The following GRID2 variants were observed in gnomAD, a reference collection of about 807,000 sequenced individuals.
GRID2 encodes the protein glutamate receptor ionotropic, delta-2.
A neutral mutation model predicts 114.8 loss-of-function variants in GRID2; 33 were observed. The ratio of observed to expected loss-of-function variants is 0.29; its 90% CI spans 0.22 to 0.38. The LOEUF (loss-of-function observed/expected upper bound fraction) is 0.38, where lower values mean the gene tolerates loss of function less well. Among genes scored for constraint, GRID2 ranks in the 10% least tolerant of loss-of-function variants. The pLI is 1.00. For synonymous variants in GRID2, 505 were observed against 449.9 expected (o/e 1.12, Z -1.55); for missense variants, 1,184 against 1,257.7 (o/e 0.94, Z 0.89).
intron 2 of GRID2, among the ~76,000 whole-genome samples, chr4:92,792,563 A>G (rs544345227): frequency 6.6e-6 from 1 of 151,292 alleles, no homozygotes; most frequent in East Asian, 2.0e-4. Context: ...GAATAACATA[A>G]TTTTTGGGAA....
At chr4:93,593,826 C>G (rs1398787763) in intron 13 of GRID2, among the ~76,000 whole-genome samples, 1 of 152,110 alleles carries the variant, frequency 6.6e-6, no homozygotes, top group Non-Finnish European at 1.5e-5. Flanking sequence ...TGCTGATACC[C>G]TTTCTTCCAG....
chr4:92,948,541 G>T (rs1034841616), intron 2 of GRID2, among the ~76,000 whole-genome samples: 2 of 151,502 alleles, frequency 1.3e-5, no homozygotes, highest in Non-Finnish European at 3.0e-5. Flanking sequence ...CCTTAAGAAT[G>T]ACTTATTTAA....
chr4:92,628,266 C>A (rs1306737643), intron 2 of GRID2, among the ~76,000 whole-genome samples: 1 of 152,124 alleles, frequency 6.6e-6, no homozygotes, highest in African/African-American at 2.4e-5. Context: ...CTCCAGAGAG[C>A]ATTCTCCTCT....
At chr4:92,711,757 G>A (rs941979720) in intron 2 of GRID2, among the ~76,000 whole-genome samples, 1 of 152,100 alleles carries the variant, frequency 6.6e-6, no homozygotes. Flanking sequence ...ACAAAAATTA[G>A]CCAGGCCTGG....
chr4:93,110,607 A>G (rs532394756), intron 3 of GRID2, 141 bp from the exon 4 acceptor site: 13 of 661,156 alleles, frequency 2.0e-5, no homozygotes, highest in East Asian at 1.0e-4. Flanking sequence ...CATACTTGAG[A>G]GTTCCGTCAG....
rs182437226 is a variant in GRID2, at chr4:92,723,184, T to C, written c.244+132898T>C. 4.1e-4 allele frequency among the ~76,000 whole-genome samples: 63 copies of C among 152,228 alleles called. No individual in the cohort carries two copies. In the East Asian group the frequency reaches 0.012, roughly 28 times the overall value. Reference sequence around the variant, plus strand: ...GTGGACAACCACATTGTTGTAATTATTTTAGAAACATGGCCTTTGAACAAT... The same window carrying C: ...GTGGACAACCACATTGTTGTAATTACTTTAGAAACATGGCCTTTGAACAAT... On this transcript the variant is annotated intron_variant, in intron 2 of 15. Coordinates refer to ENST00000282020, the MANE Select transcript of GRID2 (RefSeq NM_001510.4).
At chr4:93,325,927 T>C (rs1172619960) in intron 8 of GRID2, among the ~76,000 whole-genome samples, 9 of 152,060 alleles carry the variant, frequency 5.9e-5, no homozygotes, top group Non-Finnish European at 8.8e-5. Flanking sequence ...TTGAAGTGAG[T>C]TCTCAAGAGA....
chr4:93,068,494 T>C (rs571132698), intron 2 of GRID2, among the ~76,000 whole-genome samples: 1 of 152,192 alleles, frequency 6.6e-6, no homozygotes, highest in African/African-American at 2.4e-5. Context: ...TTAAAACAAT[T>C]TCTATGGATA....
intron 3 of GRID2, among the ~76,000 whole-genome samples, chr4:93,107,004 A>C (rs1732298837): frequency 6.6e-6 from 1 of 152,210 alleles, no homozygotes; most frequent in African/African-American, 2.4e-5. Flanking sequence ...GACTTCTATA[A>C]GATAAATATT....
intron 1 of GRID2, among the ~76,000 whole-genome samples, chr4:92,461,267 T>C (rs1721482701): frequency 6.6e-6 from 1 of 151,970 alleles, no homozygotes; most frequent in South Asian, 2.1e-4. Flanking sequence ...TGATAGGTTC[T>C]TGGAAACTGT....
rs538648913 is a variant in GRID2, at chr4:93,711,961, A to C, written c.2361-57249A>C. Reference sequence around the variant, plus strand: ...GTGGGGACAGTTGCTGGAAGGTTCTATTCAGCCATCTTGCTCTGCCTGTGC... The same window carrying C: ...GTGGGGACAGTTGCTGGAAGGTTCTCTTCAGCCATCTTGCTCTGCCTGTGC... On this transcript the variant is annotated intron_variant, in intron 14 of 15. Coordinates refer to ENST00000282020, the MANE Select transcript of GRID2 (RefSeq NM_001510.4). Among the ~76,000 whole-genome samples the C allele has an allele frequency of 2.0e-5, 3 of 152,234 alleles. No homozygotes were observed. The East Asian group carries it at 5.8e-4, about 29-fold the overall frequency.
chr4:93,293,801 C>CCATT (rs752839881), intron 8 of GRID2, among the ~76,000 whole-genome samples: 1 of 152,174 alleles, frequency 6.6e-6, no homozygotes, highest in Non-Finnish European at 1.5e-5. Flanking sequence ...ACTCAGTCAT[C>CCATT]CATTCATTCA....
At chr4:92,815,815 G>T (rs1025885540) in intron 2 of GRID2, among the ~76,000 whole-genome samples, 4 of 150,312 alleles carry the variant, frequency 2.7e-5, no homozygotes, top group African/African-American at 9.8e-5. Context: ...CAGCTACTTG[G>T]GAGGCTGAGG....
chr4:92,964,354 A>T (rs1753002384), intron 2 of GRID2, among the ~76,000 whole-genome samples: 1 of 151,910 alleles, frequency 6.6e-6, no homozygotes, highest in Non-Finnish European at 1.5e-5. Context: ...GAACACATGG[A>T]CAAGGGAGGG....
At chr4:93,649,859 A>G (rs1722431699) in intron 14 of GRID2, among the ~76,000 whole-genome samples, 1 of 152,154 alleles carries the variant, frequency 6.6e-6, no homozygotes, top group Admixed American at 6.5e-5. Flanking sequence ...TCTCCAAAAC[A>G]TTATGATGTT....
chr4:93,620,782 A>T lies in GRID2; in HGVS notation c.2194-5487A>T, dbSNP rs1438353996. ...CTAGAGGAATGTGCATAAACGAGAA[A>T]TGGTCTCCAAAGCATATCTATGTTT... On this transcript the variant is annotated intron_variant, in intron 13 of 15. Coordinates refer to ENST00000282020, the MANE Select transcript of GRID2 (RefSeq NM_001510.4). Among the ~76,000 whole-genome samples, 7 of 152,202 alleles carry T rather than the reference A, an allele frequency of 4.6e-5. 1 individual carries two copies. The highest frequency in any genetic ancestry group is 1.3e-4 in the Admixed American group (2 of 15,280).
At chr4:92,336,394 C>T (rs945649866) in intron 1 of GRID2, among the ~76,000 whole-genome samples, 1 of 152,204 alleles carries the variant, frequency 6.6e-6, no homozygotes, top group Admixed American at 6.5e-5. Context: ...TTTCTGCTTC[C>T]TAAATATCTC....
At chr4:93,050,750 G>A (rs528393058) in intron 2 of GRID2, among the ~76,000 whole-genome samples, 2 of 152,048 alleles carry the variant, frequency 1.3e-5, no homozygotes, top group Admixed American at 1.3e-4. Context: ...GAAGCTACAG[G>A]TATGACAAAA....
At chr4:93,486,860 G>C (rs1213122886) in intron 11 of GRID2, among the ~76,000 whole-genome samples, 1 of 151,748 alleles carries the variant, frequency 6.6e-6, no homozygotes, top group Non-Finnish European at 1.5e-5. Context: ...GGATTGAATA[G>C]TGTCTTGCTT....
Sources: gnomAD v4.1 joint callset for allele counts (sites outside exome capture counted in the v4.1 genomes callset) on GRCh38, gnomAD v4.1.1 for gene constraint, MANE v1.5 for transcripts, NCBI Gene and HGNC (gene_info 2026-07-23, HGNC 2026-07-21) for gene names.